The following STAG1 variants were observed in gnomAD, a reference collection of about 807,000 sequenced individuals.
The protein encoded by STAG1 is STAG1 cohesin complex component, also known as cohesin subunit SA-1.
In STAG1, 26 loss-of-function variants were observed where a neutral mutation model predicts 170.9. The observed-to-expected ratio is 0.15, with a 90% CI of 0.11 to 0.21. STAG1 has a LOEUF of 0.21. STAG1 is among the 10% of genes least tolerant of loss of function. The probability of loss-of-function intolerance (pLI) is 1.00; values close to 1 mark genes in which losing one functional copy is unlikely to be tolerated. For synonymous variants in STAG1, 514 were observed against 497.7 expected (o/e 1.03, Z -0.44); for missense variants, 964 against 1,509.5 (o/e 0.64, Z 5.99).
intron 3 of STAG1, among the ~76,000 whole-genome samples, chr3:136,619,042 T>C (rs1939723011): frequency 6.6e-6 from 1 of 151,956 alleles, no homozygotes; most frequent in African/African-American, 2.4e-5. Context: ...TGTACATACA[T>C]AGAGGAGAAG....
intron 28 of STAG1, among the ~76,000 whole-genome samples, chr3:136,356,555 A>T (rs1365626677): frequency 1.2e-4 from 18 of 151,490 alleles, no homozygotes; most frequent in Admixed American, 1.2e-3. Context: ...TAATTTTAAA[A>T]TTTTTTTATA....
intron 4 of STAG1, among the ~76,000 whole-genome samples, chr3:136,572,747 G>A (rs1195588029): frequency 1.3e-5 from 2 of 151,926 alleles, no homozygotes; most frequent in South Asian, 2.1e-4. Flanking sequence ...CAAAGGAGAC[G>A]TTTCAATTTT....
chr3:136,535,351 A>G (rs28833292), intron 6 of STAG1, among the ~76,000 whole-genome samples: 3,761 of 152,292 alleles, frequency 0.025, 62 homozygotes, highest in Non-Finnish European at 0.04. Flanking sequence ...TAACATCAAT[A>G]TATTATATAT....
intron 23 of STAG1, among the ~76,000 whole-genome samples, chr3:136,375,329 T>G (rs1560068883): frequency 6.6e-6 from 1 of 152,220 alleles, no homozygotes; most frequent in Non-Finnish European, 1.5e-5. Context: ...TAAATGGGTC[T>G]GATCAGTTTA....
intron 23 of STAG1, among the ~76,000 whole-genome samples, chr3:136,373,657 T>C (rs1196054357): frequency 1.3e-5 from 2 of 152,156 alleles, no homozygotes; most frequent in African/African-American, 2.4e-5. Flanking sequence ...AGTTGAGCGG[T>C]TTTGAGTGAG....
intron 1 of STAG1, among the ~76,000 whole-genome samples, chr3:136,671,862 G>T (rs1941990235): frequency 6.6e-6 from 1 of 151,980 alleles, no homozygotes; most frequent in Non-Finnish European, 1.5e-5. Context: ...GTGACAGAAT[G>T]AGACCATTAC....
chr3:136,667,417 G>A (rs1312699743), intron 1 of STAG1, among the ~76,000 whole-genome samples: 2 of 152,116 alleles, frequency 1.3e-5, no homozygotes, highest in Non-Finnish European at 2.9e-5. Context: ...TAGATAGACA[G>A]ACAGACAGAA....
intron 22 of STAG1, among the ~76,000 whole-genome samples, chr3:136,393,585 T>C (rs1337326798): frequency 6.7e-6 from 1 of 150,166 alleles, no homozygotes; most frequent in Non-Finnish European, 1.5e-5. Context: ...CTTCCTACGC[T>C]TCATCTTTTT....
In STAG1 at chr3:136,648,632, C is replaced by A. The variant is rs1159644489; in HGVS notation, c.-83-17651G>T. ...AATTCCTCATTTTATGTAATGAAAT[C>A]ATGCAGTCATCCAAGCTAGAAAATA... On this transcript the variant is annotated intron_variant, in intron 1 of 33. Transcript: ENST00000383202. 1.1e-4 allele frequency among the ~76,000 whole-genome samples: 16 copies of A among 152,298 alleles called. No homozygotes were observed. The East Asian group carries it at 3.1e-3, about 29-fold the overall frequency.
At chr3:136,362,114 C>T (rs1199844856) in intron 26 of STAG1, among the ~76,000 whole-genome samples, 3 of 151,546 alleles carry the variant, frequency 2.0e-5, no homozygotes, top group South Asian at 2.1e-4. Context: ...CCCGCCACCA[C>T]GCTTGGCTAA....
chr3:136,371,164 G>T (rs955260246), intron 23 of STAG1, among the ~76,000 whole-genome samples: 4 of 152,308 alleles, frequency 2.6e-5, no homozygotes, highest in Admixed American at 6.5e-5. Flanking sequence ...CTTCTTTTGA[G>T]AAGTGCCTGT....
At chr3:136,588,559 T>C (rs922460103) in intron 4 of STAG1, among the ~76,000 whole-genome samples, 2 of 152,156 alleles carry the variant, frequency 1.3e-5, no homozygotes, top group African/African-American at 4.8e-5. Context: ...AGGTTGGTCT[T>C]GAACTCCTGA....
intron 6 of STAG1, among the ~76,000 whole-genome samples, chr3:136,525,013 A>G (rs1362965928): frequency 6.6e-6 from 1 of 152,052 alleles, no homozygotes; most frequent in Non-Finnish European, 1.5e-5. Flanking sequence ...TTTATTGAGG[A>G]CTTTTGCATC....
At chr3:136,614,681 T>C (rs894304146) in intron 3 of STAG1, among the ~76,000 whole-genome samples, 1 of 152,216 alleles carries the variant, frequency 6.6e-6, no homozygotes, top group Non-Finnish European at 1.5e-5. Context: ...ATACACAAAT[T>C]AGCCCTGCTG....
chr3:136,705,424 C>CAA, intron 1 of STAG1, among the ~76,000 whole-genome samples: 1 of 131,242 alleles, frequency 7.6e-6, no homozygotes, highest in East Asian at 2.3e-4. Context: ...CACACACACA[C>CAA]AACGAAGTTC....
intron 1 of STAG1, among the ~76,000 whole-genome samples, chr3:136,675,076 A>G (rs1467979407): frequency 6.6e-6 from 1 of 152,226 alleles, no homozygotes; most frequent in Non-Finnish European, 1.5e-5. Context: ...CCAACAGTAG[A>G]TGTCCTTCCA....
intron 1 of STAG1, among the ~76,000 whole-genome samples, chr3:136,691,881 G>C (rs904816312): frequency 6.6e-6 from 1 of 152,116 alleles, no homozygotes; most frequent in Admixed American, 6.5e-5. Context: ...TCCTAAATCA[G>C]GCTTCAGAAC....
At chr3:136,488,535 C>A (rs369514756) in intron 9 of STAG1, among the ~76,000 whole-genome samples, 75 of 152,238 alleles carry the variant, frequency 4.9e-4, no homozygotes, top group Non-Finnish European at 3.2e-4. Context: ...TAATAATAAC[C>A]AATCATCTTA....
chr3:136,359,824 G>A (rs1936793311), intron 26 of STAG1, among the ~76,000 whole-genome samples: 1 of 152,162 alleles, frequency 6.6e-6, no homozygotes, highest in African/African-American at 2.4e-5. Flanking sequence ...AATGTATTTT[G>A]AGATGGGAAA....
Sources: gnomAD v4.1 joint callset for allele counts (sites outside exome capture counted in the v4.1 genomes callset) on GRCh38, gnomAD v4.1.1 for gene constraint, MANE v1.5 for transcripts, NCBI Gene and HGNC (gene_info 2026-07-23, HGNC 2026-07-21) for gene names.